The following ZNF354B variants were observed in gnomAD, a reference collection of about 807,000 sequenced individuals.
ZNF354B encodes zinc finger protein 354B.
A neutral mutation model predicts 12.9 loss-of-function variants in ZNF354B; 10 were observed. The ratio of observed to expected loss-of-function variants is 0.77; its 90% confidence interval spans 0.48 to 1.31. The LOEUF is 1.31. ZNF354B is among the 40% of genes most tolerant of loss of function. The pLI is 0.00. For missense variants in ZNF354B, 614 were observed against 711.7 expected (o/e 0.86, Z 1.56); for synonymous variants, 260 against 243.7 (o/e 1.07, Z -0.62).
intron 4 of ZNF354B, among the ~76,000 whole-genome samples, chr5:178,877,229 G>T (rs547727306): frequency 1.3e-5 from 2 of 152,110 alleles, no homozygotes; most frequent in African/African-American, 4.8e-5. Context: ...AGTTGCAGGG[G>T]TGTGATCTCA....
intron 2 of ZNF354B, among the ~76,000 whole-genome samples, chr5:178,862,134 T>C (rs879476805): frequency 6.6e-6 from 1 of 152,194 alleles, no homozygotes; most frequent in Non-Finnish European, 1.5e-5. Context: ...GGGAATGGGC[T>C]GAGGGCTTTA....
intron 4 of ZNF354B, 67 bp from the exon 5 acceptor site, chr5:178,882,642 T>C (rs867835606): frequency 1.4e-6 from 2 of 1,468,088 alleles, no homozygotes; most frequent in Middle Eastern, 2.5e-4. Flanking sequence ...ATTAATCCCT[T>C]CTACACATTT....
intron 4 of ZNF354B, among the ~76,000 whole-genome samples, chr5:178,867,979 C>G (rs1581809931): frequency 6.6e-6 from 1 of 152,162 alleles, no homozygotes; most frequent in East Asian, 1.9e-4. Context: ...GGAAGCCTTG[C>G]AGAGCAATTG....
At chr5:178,878,766 A>G (rs1196496455) in intron 4 of ZNF354B, among the ~76,000 whole-genome samples, 2 of 151,196 alleles carry the variant, frequency 1.3e-5, no homozygotes. Context: ...GCAGTGGCAC[A>G]ATCTCGGCTC....
intron 2 of ZNF354B, among the ~76,000 whole-genome samples, chr5:178,863,967 G>A (rs1757404937): frequency 6.6e-6 from 1 of 152,178 alleles, no homozygotes; most frequent in African/African-American, 2.4e-5. Context: ...ATGTGTTTAA[G>A]ATAAGTGTTA....
intron 3 of ZNF354B, 46 bp from the exon 4 acceptor site, chr5:178,866,930 C>A: frequency 1.3e-6 from 2 of 1,586,570 alleles, no homozygotes; most frequent in South Asian, 2.2e-5. Context: ...TTTGTTGTGT[C>A]AAAACGAAGA....
At chr5:178,864,194 C>CA (rs1322835619) in intron 2 of ZNF354B, among the ~76,000 whole-genome samples, 5 of 152,198 alleles carry the variant, frequency 3.3e-5, no homozygotes, top group African/African-American at 4.8e-5. Context: ...CTGGAAGCTC[C>CA]ATTCATGGCA....
chr5:178,865,448 T>C (rs2114008634), intron 2 of ZNF354B, among the ~76,000 whole-genome samples: 1 of 152,200 alleles, frequency 6.6e-6, no homozygotes, highest in South Asian at 2.1e-4. Flanking sequence ...TTGTTATTTT[T>C]AGTAGAGACA....
intron 4 of ZNF354B, among the ~76,000 whole-genome samples, chr5:178,869,727 C>A (rs753018244): frequency 6.6e-6 from 1 of 151,962 alleles, no homozygotes; most frequent in South Asian, 2.1e-4. Flanking sequence ...GCGGGAAAAC[C>A]CTGAGCAGTT....
chr5:178,879,668 C>A (rs913200332), intron 4 of ZNF354B, among the ~76,000 whole-genome samples: 1 of 152,110 alleles, frequency 6.6e-6, no homozygotes, highest in Non-Finnish European at 1.5e-5. Context: ...TGTGAGCCGC[C>A]GTGCCTGGCC....
intron 4 of ZNF354B, among the ~76,000 whole-genome samples, chr5:178,869,080 TG>T (rs543821080): frequency 3.6e-4 from 54 of 152,060 alleles, no homozygotes; most frequent in African/African-American, 1.3e-3. Flanking sequence ...TCATAGAGTT[TG>T]GTTGGTGCTT....
In ZNF354B at chr5:178,882,918, A is replaced by G. The variant is rs1757741382; in HGVS notation, c.466A>G (p.Arg156Gly). 1.2e-6 allele frequency: 2 copies of G among 1,601,240 alleles called. No individual in the cohort carries two copies. The highest frequency in any genetic ancestry group is 3.5e-5 in the Admixed American group (2 of 56,640). ...VAHTKILTVD[R>G]SHKNVEFGQN... ...CCATACAAAAATCCTTACTGTAGAT[A>G]GAAGCCATAAAAATGTTGAATTTGG... is the stretch of plus-strand genomic sequence containing the variant. The change falls in exon 5 of 5, where the codon AGA becomes GGA. Residue 156 changes from arginine (R) to glycine (G), a missense_variant. Transcript: ENST00000322434.
intron 2 of ZNF354B, among the ~76,000 whole-genome samples, chr5:178,862,627 C>T (rs918929712): frequency 2.6e-5 from 4 of 152,200 alleles, no homozygotes; most frequent in East Asian, 1.9e-4. Context: ...CACAGCCTCC[C>T]GGAGTGCTGG....
In ZNF354B at chr5:178,867,069, T is replaced by C; in HGVS notation, c.254T>C (p.Leu85Pro). 1.2e-6 allele frequency: 2 copies of C among 1,612,620 alleles called. No individual in the cohort carries two copies. Among genetic ancestry groups the C allele is most frequent in the South Asian group, 1.1e-5 (1 of 91,022 alleles). ...VEKDSSGVSS[L>P]GCKSTPKMTK... ...AAAGACAGTTCTGGTGTCTCCTCTC[T>C]AGGTAAGTGGGTGGCCCGAGGTGCT... The change falls in exon 4 of 5, where the codon CTA becomes CCA. Residue 85 changes from leucine to proline, a missense_variant and splice_region_variant. Leu to Pro is a moderately conservative substitution (Grantham distance 98). Coordinates refer to ENST00000322434, the MANE Select transcript of ZNF354B (RefSeq NM_058230.3).
At chr5:178,871,299 G>A (rs1416249702) in intron 4 of ZNF354B, among the ~76,000 whole-genome samples, 2 of 152,172 alleles carry the variant, frequency 1.3e-5, no homozygotes, top group East Asian at 1.9e-4. Context: ...GGGCCAAGCA[G>A]GCCCCCACTC....
chr5:178,882,949 A>C lies in ZNF354B; in HGVS notation c.497A>C (p.Asn166Thr), dbSNP rs1214199316. 6.2e-7 allele frequency: 1 copy of C among 1,602,880 alleles called. No individual in the cohort carries two copies. Among genetic ancestry groups the C allele is most frequent in the South Asian group, 1.1e-5 (1 of 87,378 alleles). Residue 166 changes from asparagine (N) to threonine (T), a missense_variant, in exon 5 of 5, where the codon AAC (asparagine) becomes ACC (threonine). Transcript: ENST00000322434. ...CATAAAAATGTTGAATTTGGCCAAA[A>C]CTTCTACCTGAAATCAGTCTTCATT... The part of the protein sequence containing the change: ...RSHKNVEFGQ[N>T]FYLKSVFIKQ...
At chr5:178,880,227 G>GTC (rs1757698743) in intron 4 of ZNF354B, among the ~76,000 whole-genome samples, 1 of 150,458 alleles carries the variant, frequency 6.6e-6, no homozygotes, top group Non-Finnish European at 1.5e-5. Context: ...TTTAGACGGG[G>GTC]TCTCACTCTG....
chr5:178,863,932 G>A (rs1183380557), intron 2 of ZNF354B, among the ~76,000 whole-genome samples: 5 of 152,136 alleles, frequency 3.3e-5, no homozygotes, highest in African/African-American at 1.2e-4. Flanking sequence ...TATAAAGAAA[G>A]AAAATATTTT....
At chr5:178,876,606 A>G (rs1441990149) in intron 4 of ZNF354B, among the ~76,000 whole-genome samples, 3 of 152,198 alleles carry the variant, frequency 2.0e-5, no homozygotes, top group Non-Finnish European at 4.4e-5. Flanking sequence ...CCTTAGACTC[A>G]AGGAATTTTA....
Sources: allele counts gnomAD v4.1 joint callset (sites outside exome capture counted in the v4.1 genomes callset), GRCh38; gene constraint gnomAD v4.1.1; transcripts MANE v1.5; gene names NCBI Gene and HGNC (gene_info 2026-07-23, HGNC 2026-07-21).